The following USP13 variants were observed in gnomAD, a reference collection of about 807,000 sequenced individuals.
The protein encoded by USP13 is ubiquitin carboxyl-terminal hydrolase 13.
In USP13, 68 loss-of-function variants were observed where a neutral mutation model predicts 107.8. The observed-to-expected ratio is 0.63, with a 90% confidence interval of 0.52 to 0.77. USP13 has a LOEUF of 0.77. Ranked by LOEUF, USP13 falls within the 30% of genes least tolerant of loss-of-function variation. The pLI is 0.00. For synonymous variants in USP13, 377 were observed against 389.5 expected (o/e 0.97, Z 0.38); for missense variants, 945 against 1,093.3 (o/e 0.86, Z 1.91).
At chr3:179,759,175 G>T (rs1180003511) in intron 16 of USP13, among the ~76,000 whole-genome samples, 4 of 151,844 alleles carry the variant, frequency 2.6e-5, no homozygotes, top group Non-Finnish European at 5.9e-5. Context: ...TAGAGATGGG[G>T]TTTCACCATG....
intron 1 of USP13, among the ~76,000 whole-genome samples, chr3:179,655,533 C>T (rs1357086399): frequency 1.4e-5 from 2 of 145,268 alleles, no homozygotes; most frequent in Middle Eastern, 3.6e-3. Flanking sequence ...AAGCACAGTG[C>T]GTGATAATGG....
Position 179,754,632 on chromosome 3 carries a change from C to T in USP13, c.1799-100C>T, listed in dbSNP as rs910597596. ...TATTCTAGGGAATTGAAAAACATCC[C>T]TTAGCTCTGTCTAGACACATGCATG... On this transcript the variant is annotated intron_variant, in intron 14 of 20. Coordinates refer to ENST00000263966, the MANE Select transcript of USP13 (RefSeq NM_003940.3). 14 of 1,379,192 alleles carry T rather than the reference C, an allele frequency of 1.0e-5. No individual in the cohort carries two copies. The African/African-American group carries it at 2.1e-4, about 21-fold the overall frequency. 85.4% of individuals were successfully genotyped at this position (1,379,192 alleles called of 1,614,324 possible). A position where few individuals can be genotyped will look rare whatever the true frequency, so the allele number is the denominator to read the frequency against.
At chr3:179,657,933 CTCTCA>C (rs1420738185) in intron 1 of USP13, among the ~76,000 whole-genome samples, 1 of 152,034 alleles carries the variant, frequency 6.6e-6, no homozygotes, top group Non-Finnish European at 1.5e-5. Flanking sequence ...TGGAAATCTC[CTCTCA>C]TCTCTTTGGT....
In USP13 at chr3:179,788,765, T is replaced by C. The variant is rs1251477991; in HGVS notation, c.*4624T>C. On this transcript the variant is annotated 3_prime_UTR_variant, in exon 21 of 21. Transcript: ENST00000263966. ...AGCCCCACTCTAGACTTACATGGTG[T>C]GGGGTAGGCAGTGAAATCCGTAAAT... 6.6e-6 allele frequency: 1 copy of C among 152,120 alleles called. No homozygotes were observed. The highest frequency in any genetic ancestry group is 2.4e-5 in the African/African-American group (1 of 41,412). The allele number at this position is 152,120 out of a possible 1,614,324, so 9.4% of individuals were successfully genotyped here.
Position 179,754,769 on chromosome 3 carries a change from C to T in USP13, c.1836C>T (p.Asn612=), listed in dbSNP as rs1252155083. The T allele has an allele frequency of 6.2e-7, 1 of 1,613,586 alleles. No individual in the cohort carries two copies. ...SIDMPDLLDI[N]HLRARGLQPG... ...ATATGCCAGACCTACTTGATATCAA[C>T]CATCTCCGAGCCAGGGGGTTACAGC... The change falls in exon 15 of 21, where the codon AAC becomes AAT. Residue 612 remains asparagine (N), a synonymous_variant. Transcript: ENST00000263966.
chr3:179,664,294 A>G (rs1486374067), intron 1 of USP13, among the ~76,000 whole-genome samples: 4 of 152,006 alleles, frequency 2.6e-5, no homozygotes. Flanking sequence ...GGGTTTCACC[A>G]TGTTGGTCAG....
intron 1 of USP13, among the ~76,000 whole-genome samples, chr3:179,663,613 C>T (rs779958077): frequency 6.6e-6 from 1 of 152,208 alleles, no homozygotes; most frequent in Non-Finnish European, 1.5e-5. Flanking sequence ...TGTCACACTA[C>T]ACTCTTGGAT....
intron 16 of USP13, 26 bp downstream of exon 16, chr3:179,757,104 A>C (rs1449653473): frequency 6.2e-7 from 1 of 1,610,272 alleles, no homozygotes; most frequent in South Asian, 1.1e-5. Context: ...AATGTTTCTC[A>C]ATGTCCTACT....
In USP13 at chr3:179,721,701, C is replaced by T; in HGVS notation, c.1088+112C>T. On this transcript the variant is annotated intron_variant, in intron 8 of 20. Transcript: ENST00000263966. This position sits in a 1 kb window ranked among gnomAD's most constrained non-coding sequence, Gnocchi z 4.3. The stretch of plus-strand genomic sequence containing the variant: ...TCTTTATTGCTTCAGGACATTTTGC[C>T]ACCTTTTCTCTGGCCTGCCTTCTAC... 1 of 1,175,526 alleles carries T rather than the reference C, an allele frequency of 8.5e-7. No individual in the cohort carries two copies. The highest frequency in any genetic ancestry group is 1.2e-6 in the Non-Finnish European group (1 of 849,090). The allele number at this position is 1,175,526 out of a possible 1,614,324, so 72.8% of individuals were successfully genotyped here.
intron 16 of USP13, among the ~76,000 whole-genome samples, chr3:179,759,739 TCTCAGCCCACTGCAAC>T (rs1245598220): frequency 6.6e-6 from 1 of 151,984 alleles, no homozygotes; most frequent in African/African-American, 2.4e-5. Flanking sequence ...CGTGGCGCGA[TCTCAGCCCACTGCAAC>T]CTCTGCCTCC....
At chr3:179,714,132 G>A (rs1261014989) in intron 6 of USP13, among the ~76,000 whole-genome samples, 1 of 152,204 alleles carries the variant, frequency 6.6e-6, no homozygotes, top group Admixed American at 6.5e-5. Context: ...ACGGAGACGG[G>A]ATAGGGTGTG....
At chr3:179,720,839 G>C (rs1230881405) in intron 7 of USP13, among the ~76,000 whole-genome samples, 1 of 142,200 alleles carries the variant, frequency 7.0e-6, no homozygotes, top group Admixed American at 7.2e-5. Flanking sequence ...ATGGAGTTTC[G>C]CTCTTGTTGC....
chr3:179,725,126 T>C (rs1713466714), intron 8 of USP13, among the ~76,000 whole-genome samples: 2 of 152,172 alleles, frequency 1.3e-5, no homozygotes, highest in Non-Finnish European at 2.9e-5. Context: ...GCAGGAGAAT[T>C]GCTTGAAGTT....
chr3:179,660,935 CTT>C (rs1396081646), intron 1 of USP13, among the ~76,000 whole-genome samples: 5 of 152,176 alleles, frequency 3.3e-5, no homozygotes, highest in Admixed American at 6.5e-5. Flanking sequence ...TCTTTATACT[CTT>C]TAACTATTTT....
At chr3:179,688,099 G>GTCCGTCCATCCATCCATCCATCCA (rs1576926141) in intron 2 of USP13, among the ~76,000 whole-genome samples, 2 of 140,532 alleles carry the variant, frequency 1.4e-5, no homozygotes, top group East Asian at 4.2e-4. Flanking sequence ...CCATCCATCC[G>GTCCGTCCATCCATCCATCCATCCA]TCCATCCATC....
In USP13 at chr3:179,787,963, A is replaced by T. The variant is rs1342156485; in HGVS notation, c.*3822A>T. The stretch of plus-strand genomic sequence containing the variant: ...AGGTACTTTGGCTCCATCCCCCTCA[A>T]AAACAAAACAAAAAATCCATTTAAA... On this transcript the variant is annotated 3_prime_UTR_variant, in exon 21 of 21. Coordinates refer to ENST00000263966, the MANE Select transcript of USP13 (RefSeq NM_003940.3). 2.0e-5 allele frequency: 3 copies of T among 152,208 alleles called. No homozygotes were observed. The highest frequency in any genetic ancestry group is 4.4e-5 in the Non-Finnish European group (3 of 68,048). 9.4% of individuals were successfully genotyped at this position (152,208 alleles called of 1,614,324 possible). A position where few individuals can be genotyped will look rare whatever the true frequency, so the allele number is the denominator to read the frequency against.
At chr3:179,771,176 G>C (rs1576991256) in intron 19 of USP13, among the ~76,000 whole-genome samples, 1 of 152,122 alleles carries the variant, frequency 6.6e-6, no homozygotes, top group Non-Finnish European at 1.5e-5. Flanking sequence ...TCCCAGACAG[G>C]CTCTCCCTAA....
chr3:179,696,747 A>G (rs995503493), intron 3 of USP13, among the ~76,000 whole-genome samples: 1 of 152,160 alleles, frequency 6.6e-6, no homozygotes, highest in Non-Finnish European at 1.5e-5. Flanking sequence ...TTGTAGAAAG[A>G]TAACTTGGAA....
At chr3:179,664,987 C>A (rs1410479656) in intron 1 of USP13, among the ~76,000 whole-genome samples, 1 of 152,058 alleles carries the variant, frequency 6.6e-6, no homozygotes, top group Non-Finnish European at 1.5e-5. Flanking sequence ...ACTCAGGAGG[C>A]TGAGGCAGGA....
Sources: gnomAD v4.1 joint callset for allele counts (sites outside exome capture counted in the v4.1 genomes callset) on GRCh38, gnomAD v4.1.1 for gene constraint, Gnocchi (gnomAD v3.1) non-coding constraint, MANE v1.5 for transcripts, NCBI Gene and HGNC (gene_info 2026-07-23, HGNC 2026-07-21) for gene names.